B3GALT1: variants seen among roughly 807,000 people sequenced by gnomAD.
B3GALT1 encodes the protein UDP-Gal:betaGlcNAc beta 1,3-galactosyltransferase, polypeptide 1.
A neutral mutation model predicts 23.2 loss-of-function variants in B3GALT1; 10 were observed. The ratio of observed to expected loss-of-function variants is 0.43; its 90% CI spans 0.27 to 0.73. The LOEUF (loss-of-function observed/expected upper bound fraction) is 0.73, where lower values mean the gene tolerates loss of function less well. Among genes scored for constraint, B3GALT1 ranks in the 30% least tolerant of loss-of-function variants. The probability of loss-of-function intolerance (pLI) is 0.21; values close to 1 mark genes in which losing one functional copy is unlikely to be tolerated. For synonymous variants in B3GALT1, 156 were observed against 141.5 expected (o/e 1.10, Z -0.73); for missense variants, 299 against 405.4 (o/e 0.74, Z 2.25).
Position 167,855,600 on chromosome 2 carries a change from T to G in B3GALT1, c.-229-13211T>G, listed in dbSNP as rs368576435. Among the ~76,000 whole-genome samples, 6 of 152,204 alleles carry G rather than the reference T, an allele frequency of 3.9e-5. No individual in the cohort carries two copies. The East Asian group carries it at 9.6e-4, about 24-fold the overall frequency. Reference sequence around the variant, plus strand: ...TTGATTTAACAAATCTTTAAAAATATGTGCTGTAGTAATCCATCCAGCTAT... The same window carrying G: ...TTGATTTAACAAATCTTTAAAAATAGGTGCTGTAGTAATCCATCCAGCTAT... On this transcript the variant is annotated intron_variant, in intron 4 of 4. Coordinates refer to ENST00000392690, the MANE Select transcript of B3GALT1 (RefSeq NM_020981.4).
intron 1 of B3GALT1, among the ~76,000 whole-genome samples, chr2:167,475,493 A>G (rs1418483127): frequency 1.3e-5 from 2 of 152,136 alleles, no homozygotes; most frequent in African/African-American, 2.4e-5. Context: ...GCTAAAATCT[A>G]CAGTAAAAAG....
intron 3 of B3GALT1, among the ~76,000 whole-genome samples, chr2:167,806,335 G>A (rs951739470): frequency 6.6e-6 from 1 of 152,166 alleles, no homozygotes; most frequent in Admixed American, 6.6e-5. Context: ...TCTCCTGTCT[G>A]ATTGCCCTGA....
chr2:167,370,016 GTT>G (rs1697657164), intron 1 of B3GALT1, among the ~76,000 whole-genome samples: 1 of 152,018 alleles, frequency 6.6e-6, no homozygotes, highest in Non-Finnish European at 1.5e-5. Context: ...CTGTATATTT[GTT>G]TGTTTGTTTG....
intron 3 of B3GALT1, among the ~76,000 whole-genome samples, chr2:167,737,945 C>A (rs560568929): frequency 6.6e-6 from 1 of 152,166 alleles, no homozygotes; most frequent in Non-Finnish European, 1.5e-5. Context: ...AACTAGATGC[C>A]TTTCCCGGAC....
At position 167,436,177 on chromosome 2, in the gene B3GALT1, G is replaced by A. The variant is rs560279962; in HGVS notation, c.-510-54000G>A. On this transcript the variant is annotated intron_variant, in intron 1 of 4. Coordinates refer to ENST00000392690, the MANE Select transcript of B3GALT1 (RefSeq NM_020981.4). Reference sequence around the variant, plus strand: ...CCTTTATTTCGAAAGTAGATTCAAAGTGCTCACCAAGGCCTAGAATGACAA... The same window carrying A: ...CCTTTATTTCGAAAGTAGATTCAAAATGCTCACCAAGGCCTAGAATGACAA... Among the ~76,000 whole-genome samples, 13 of 152,158 alleles carry A rather than the reference G, an allele frequency of 8.5e-5. No homozygotes were observed. In the South Asian group the frequency reaches 2.7e-3, roughly 32 times the overall value.
At chr2:167,569,321 G>A (rs1347213979) in intron 2 of B3GALT1, among the ~76,000 whole-genome samples, 1 of 151,444 alleles carries the variant, frequency 6.6e-6, no homozygotes, top group Non-Finnish European at 1.5e-5. Context: ...CTATCTTCCT[G>A]GTTATTTACA....
intron 2 of B3GALT1, among the ~76,000 whole-genome samples, chr2:167,502,843 A>G (rs566331112): frequency 7.0e-4 from 106 of 152,300 alleles, no homozygotes; most frequent in African/African-American, 2.6e-3. Flanking sequence ...GTTCGAGACC[A>G]GCCTAGCCAA....
chr2:167,349,552 A>G (rs1390018004), intron 1 of B3GALT1, among the ~76,000 whole-genome samples: 2 of 152,192 alleles, frequency 1.3e-5, no homozygotes, highest in Non-Finnish European at 2.9e-5. Context: ...GGTAAGAATA[A>G]GTTTTCCATC....
intron 1 of B3GALT1, among the ~76,000 whole-genome samples, chr2:167,303,644 TACACACACACACACACACAC>T (rs61323885): frequency 2.8e-5 from 4 of 145,006 alleles, no homozygotes; most frequent in African/African-American, 7.8e-5. Flanking sequence ...AACACACACA[TACACACACACACACACACAC>T]ACACACACAC....
chr2:167,614,443 A>G (rs540101980), intron 2 of B3GALT1, among the ~76,000 whole-genome samples: 14 of 152,016 alleles, frequency 9.2e-5, no homozygotes, highest in South Asian at 2.1e-4. Flanking sequence ...AGAGTTTTCA[A>G]TTGTCTCTGA....
chr2:167,325,712 T>C (rs906750940), intron 1 of B3GALT1, among the ~76,000 whole-genome samples: 9 of 9,564 alleles, frequency 9.4e-4, no homozygotes, highest in South Asian at 6.2e-3. Flanking sequence ...CTTTTTTTTT[T>C]TTTTTTTTTT....
At chr2:167,666,370 C>G (rs377018975) in intron 3 of B3GALT1, among the ~76,000 whole-genome samples, 10 of 152,086 alleles carry the variant, frequency 6.6e-5, no homozygotes, top group South Asian at 2.1e-4. Context: ...TTACTTCCAA[C>G]TATGTGGTCA....
chr2:167,699,988 C>T (rs555487711), intron 3 of B3GALT1, among the ~76,000 whole-genome samples: 109 of 152,336 alleles, frequency 7.2e-4, no homozygotes, highest in Non-Finnish European at 1.4e-3. Flanking sequence ...GCTGGGATTA[C>T]AGGCGTGAGC....
chr2:167,627,601 T>C (rs539142789), intron 2 of B3GALT1, among the ~76,000 whole-genome samples: 14 of 151,898 alleles, frequency 9.2e-5, no homozygotes, highest in Admixed American at 3.3e-4. Context: ...GTTGCGAGAT[T>C]TTTGCAATAA....
intron 1 of B3GALT1, among the ~76,000 whole-genome samples, chr2:167,423,860 A>C (rs1698585232): frequency 6.6e-6 from 1 of 152,136 alleles, no homozygotes; most frequent in Non-Finnish European, 1.5e-5. Flanking sequence ...TTCTCTTTTT[A>C]TCTCTCTATG....
intron 3 of B3GALT1, among the ~76,000 whole-genome samples, chr2:167,748,142 A>G (rs13404115): frequency 0.18 from 27,487 of 152,164 alleles, 2,621 homozygotes; most frequent in Non-Finnish European, 0.22. Context: ...AAGTTAGACT[A>G]TGATACGAGC....
chr2:167,346,859 GA>G (rs900472272), intron 1 of B3GALT1, among the ~76,000 whole-genome samples: 1 of 151,678 alleles, frequency 6.6e-6, no homozygotes, highest in Non-Finnish European at 1.5e-5. Context: ...ATATGGAGGG[GA>G]AAAAACAATT....
intron 3 of B3GALT1, among the ~76,000 whole-genome samples, chr2:167,791,078 C>CA (rs924017188): frequency 4.7e-4 from 72 of 152,300 alleles, no homozygotes; most frequent in African/African-American, 1.6e-3. Context: ...AACACTTACA[C>CA]AGCGCTTCCT....
Position 167,693,787 on chromosome 2 carries a change from C to T in B3GALT1, c.-352+46821C>T, listed in dbSNP as rs144037886. Among the ~76,000 whole-genome samples, 19 of 152,180 alleles carry T rather than the reference C, an allele frequency of 1.2e-4. No homozygotes were observed. In the East Asian group the frequency reaches 3.7e-3, roughly 29 times the overall value. On this transcript the variant is annotated intron_variant, in intron 3 of 4. Transcript: ENST00000392690. ...TGTTCTTCTATAACACTCCATGATT[C>T]TGAACCATCTCCAACCCTCTCAGAT...
Sources: gnomAD v4.1 joint callset for allele counts (sites outside exome capture counted in the v4.1 genomes callset) on GRCh38, gnomAD v4.1.1 for gene constraint, MANE v1.5 for transcripts, NCBI Gene and HGNC (gene_info 2026-07-23, HGNC 2026-07-21) for gene names.